Variants in ZNF41 observed in about 807,000 individuals in gnomAD.
The protein encoded by ZNF41 is zinc finger protein 41.
ZNF41 carries 6 observed loss-of-function variants against 9.3 expected under a neutral mutation model. The observed-to-expected ratio is 0.65, with a 90% CI of 0.35 to 1.28. ZNF41 has a LOEUF of 1.28. Among genes scored for constraint, ZNF41 ranks in the 50% most tolerant of loss-of-function variants. The pLI is 0.03. For missense variants in ZNF41, 523 were observed against 585.8 expected (o/e 0.89, Z 1.11); for synonymous variants, 192 against 207.1 (o/e 0.93, Z 0.63).
intron 4 of ZNF41, among the ~76,000 whole-genome samples, chrX:47,451,801 G>A (rs1018446025): frequency 3.6e-5 from 4 of 112,063 alleles, no homozygotes; most frequent in Middle Eastern, 4.6e-3. Flanking sequence ...GCTTGAATCC[G>A]GGAGGTGGAG....
chrX:47,477,951 T>C (rs1333413867), intron 1 of ZNF41, among the ~76,000 whole-genome samples: 2 of 112,633 alleles, frequency 1.8e-5, no homozygotes, highest in East Asian at 5.6e-4. Context: ...AACCCAAATG[T>C]CCATCGACTG....
At position 47,448,082 on chromosome X, in the gene ZNF41, T is replaced by C. The variant is rs753437979; in HGVS notation, c.1688A>G (p.Lys563Arg). 2 of 1,211,747 alleles carry C rather than the reference T, an allele frequency of 1.7e-6. No homozygotes were observed. Among genetic ancestry groups the C allele is most frequent in the South Asian group, 3.5e-5 (2 of 57,015 alleles). Residue 563 changes from lysine (K) to arginine (R), a missense_variant, in exon 5 of 5, where the codon AAG becomes AGG. Transcript: ENST00000684689. ...CNGCGKAFIW[K>R]SRLKIHQKSH... ...TTTCTGATGTATTTTGAGGCGCGAC[T>C]TCCATATGAAGGCTTTTCCACAGCC...
intron 1 of ZNF41, among the ~76,000 whole-genome samples, chrX:47,479,860 G>C (rs1296492559): frequency 9.0e-6 from 1 of 111,686 alleles, no homozygotes; most frequent in African/African-American, 3.3e-5. Flanking sequence ...ACTTTGGGAG[G>C]CCGAGGCACG....
At chrX:47,450,602 G>A (rs1399862321) in intron 4 of ZNF41, among the ~76,000 whole-genome samples, 2 of 111,761 alleles carry the variant, frequency 1.8e-5, no homozygotes, top group Non-Finnish European at 3.8e-5. Flanking sequence ...GAATCTGCAG[G>A]CCCTCCCCTG....
intron 4 of ZNF41, among the ~76,000 whole-genome samples, chrX:47,451,056 T>C (rs766332243): frequency 5.3e-5 from 6 of 112,609 alleles, no homozygotes; most frequent in Non-Finnish European, 1.1e-4. Flanking sequence ...ATGTTTGCTA[T>C]GAATTTGTAA....
intron 2 of ZNF41, among the ~76,000 whole-genome samples, chrX:47,461,277 T>C (rs903823694): frequency 3.7e-5 from 4 of 108,879 alleles, no homozygotes; most frequent in Non-Finnish European, 7.6e-5. Flanking sequence ...TTTGTATTTT[T>C]AGTAGAGACA....
chrX:47,470,785 T>C (rs2057170468), intron 1 of ZNF41, among the ~76,000 whole-genome samples: 2 of 106,175 alleles, frequency 1.9e-5, no homozygotes, highest in African/African-American at 6.8e-5. Context: ...AAAAAAATAA[T>C]AGGAGGCATA....
chrX:47,477,750 T>C (rs990814834), intron 1 of ZNF41, among the ~76,000 whole-genome samples: 1 of 112,217 alleles, frequency 8.9e-6, no homozygotes, highest in Admixed American at 9.5e-5. Flanking sequence ...ATCTGTCATA[T>C]GTCAATTTAA....
chrX:47,474,876 TAAA>T (rs35807470), intron 1 of ZNF41, among the ~76,000 whole-genome samples: 1 of 67,493 alleles, frequency 1.5e-5, no homozygotes, highest in Non-Finnish European at 2.9e-5. Flanking sequence ...AGAACCTGTC[TAAA>T]AAAAAAAAAA....
At chrX:47,453,712 A>C (rs970922539) in intron 4 of ZNF41, among the ~76,000 whole-genome samples, 2 of 112,293 alleles carry the variant, frequency 1.8e-5, no homozygotes, top group African/African-American at 6.5e-5. Context: ...TTTAATATGA[A>C]CTAGTAAAAA....
At chrX:47,464,893 C>G (rs1363697339) in intron 2 of ZNF41, among the ~76,000 whole-genome samples, 1 of 111,942 alleles carries the variant, frequency 8.9e-6, no homozygotes, top group African/African-American at 3.2e-5. Context: ...TATTTATTTA[C>G]TATTTATTTT....
At chrX:47,461,990 G>A (rs1355719016) in intron 2 of ZNF41, among the ~76,000 whole-genome samples, 1 of 107,324 alleles carries the variant, frequency 9.3e-6, no homozygotes, top group Non-Finnish European at 1.9e-5. Context: ...CACCTCTTAA[G>A]TAGTTGGGAT....
chrX:47,447,696 CA>C lies in ZNF41; in HGVS notation c.2073del (p.Tyr691Ter). 4 of 1,211,565 alleles carry C rather than the reference CA, an allele frequency of 3.3e-6. No individual in the cohort carries two copies. Among genetic ancestry groups the C allele is most frequent in the Non-Finnish European group, 4.5e-6 (4 of 895,516 alleles). ...HQKIHTREKP[Y>X]ECGDCGKTFT... ...AAGGTTTTCCCGCAGTCACCACATT[CA>C]TAGGGTTTCTCCCTAGTGTGGATTT... On this transcript the variant is annotated frameshift_variant, in exon 5 of 5. Transcript: ENST00000684689. LOFTEE classifies it low-confidence loss of function (END_TRUNC).
Position 47,455,931 on chromosome X carries a change from C to A in ZNF41, c.285G>T (p.Gln95His). Residue 95 changes from glutamine (Q) to histidine (H), a missense_variant, in exon 4 of 5, where the codon CAG becomes CAT. Coordinates refer to ENST00000684689, the MANE Select transcript of ZNF41 (RefSeq NM_001324144.2). ...PWMLEGEAPH[Q>H]SCSGEAIGKM... ...GTCATGCTCACTCACCTGAACAGCT[C>A]TGATGTGGGGCTTCCCCCTCCAGCA... 1 of 1,211,200 alleles carries A rather than the reference C, an allele frequency of 8.3e-7. No individual in the cohort carries two copies. The highest frequency in any genetic ancestry group is 1.7e-5 in the African/African-American group (1 of 57,829).
chrX:47,455,384 A>G (rs1472573643), intron 4 of ZNF41, among the ~76,000 whole-genome samples: 2 of 110,092 alleles, frequency 1.8e-5, no homozygotes, highest in Non-Finnish European at 3.8e-5. Context: ...CAGGAGTTCG[A>G]GTCCAGCCTG....
intron 2 of ZNF41, among the ~76,000 whole-genome samples, chrX:47,465,631 A>C (rs1313036349): frequency 9.1e-6 from 1 of 110,410 alleles, no homozygotes; most frequent in Non-Finnish European, 1.9e-5. Flanking sequence ...CAAGGCAGGA[A>C]GATCACTTGA....
At chrX:47,455,227 A>C (rs2056511417) in intron 4 of ZNF41, among the ~76,000 whole-genome samples, 1 of 108,439 alleles carries the variant, frequency 9.2e-6, no homozygotes, top group Non-Finnish European at 1.9e-5. Flanking sequence ...CCTGGGCAAC[A>C]AGAGCGAAAC....
chrX:47,453,695 A>G (rs2056444709), intron 4 of ZNF41, among the ~76,000 whole-genome samples: 1 of 112,390 alleles, frequency 8.9e-6, no homozygotes, highest in Non-Finnish European at 1.9e-5. Context: ...GATATCTGTC[A>G]TTAGCATTTA....
At chrX:47,453,000 T>C (rs1428403741) in intron 4 of ZNF41, among the ~76,000 whole-genome samples, 1 of 112,730 alleles carries the variant, frequency 8.9e-6, no homozygotes, top group Non-Finnish European at 1.9e-5. Context: ...GTATACATAT[T>C]TCAAAACATC....
Sources: gnomAD v4.1 joint callset for allele counts (sites outside exome capture counted in the v4.1 genomes callset) on GRCh38, gnomAD v4.1.1 for gene constraint, MANE v1.5 for transcripts, NCBI Gene and HGNC (gene_info 2026-07-23, HGNC 2026-07-21) for gene names.